CLASRP: variants seen among roughly 807,000 people sequenced by gnomAD.
CLASRP encodes CLK4 associating serine/arginine rich protein.
A neutral mutation model predicts 99.9 loss-of-function variants in CLASRP; 52 were observed. The observed-to-expected ratio is 0.52, with a 90% CI of 0.42 to 0.66. The LOEUF is 0.66. CLASRP is among the 30% of genes least tolerant of loss of function. The probability of loss-of-function intolerance (pLI) is 0.00; values close to 1 mark genes in which losing one functional copy is unlikely to be tolerated. For missense variants in CLASRP, 848 were observed against 999.2 expected, an observed-to-expected ratio of 0.85 and a Z score of 2.04; for synonymous variants, 379 against 373.0, an observed-to-expected ratio of 1.02 and a Z score of -0.18.
chr19:45,057,809 TAGAGA>T lies in CLASRP; in HGVS notation c.527_531del (p.Glu176GlyfsTer22). ...TACGAGGACAGCACGGTGGCCGAGGTAGAGAAGGCGGCAGAAAAGCCAGAGGAGGA... is the reference window on the plus strand; with the variant it reads ...TACGAGGACAGCACGGTGGCCGAGGTAGGCGGCAGAAAAGCCAGAGGAGGA... On this transcript the variant is annotated frameshift_variant, in exon 7 of 21. Transcript: ENST00000221455. LOFTEE classifies it high-confidence loss of function. 6.2e-7 allele frequency: 1 copy of T among 1,613,846 alleles called. No individual in the cohort carries two copies. The highest frequency in any genetic ancestry group is 8.5e-7 in the Non-Finnish European group (1 of 1,179,882).
chr19:45,068,565 A>G (rs549637268), intron 16 of CLASRP, 85 bp downstream of exon 16: 3 of 1,067,170 alleles, frequency 2.8e-6, no homozygotes, highest in African/African-American at 1.6e-5. Context: ...CCACTTTGGG[A>G]GGCCTGGCCC....
intron 11 of CLASRP, 99 bp downstream of exon 11, chr19:45,062,294 C>T (rs1377589044): frequency 6.4e-6 from 5 of 782,414 alleles, no homozygotes; most frequent in Non-Finnish European, 9.2e-6. Context: ...TGCTAGGCCA[C>T]CCCAAGATCA....
chr19:45,056,302 C>T lies in CLASRP; in HGVS notation c.380-148C>T, dbSNP rs141088932. The T allele has an allele frequency of 1.5e-3, 999 of 677,080 alleles. 6 individuals carry two copies. The African/African-American group carries it at 0.016, about 11-fold the overall frequency. The allele number at this position is 677,080 out of a possible 1,614,324, so 41.9% of individuals were successfully genotyped here. ...CTGCAGTTGCTTGTGTCCCACCAGACATAGTTTGATTATCTGGAAGTGGTG... is the reference window on the plus strand; with the variant it reads ...CTGCAGTTGCTTGTGTCCCACCAGATATAGTTTGATTATCTGGAAGTGGTG... On this transcript the variant is annotated intron_variant, in intron 5 of 20. Coordinates refer to ENST00000221455, the MANE Select transcript of CLASRP (RefSeq NM_007056.3).
intron 5 of CLASRP, among the ~76,000 whole-genome samples, chr19:45,056,040 C>T (rs1401920987): frequency 6.6e-6 from 1 of 152,082 alleles, no homozygotes; most frequent in Non-Finnish European, 1.5e-5. Flanking sequence ...TTAAAATGAG[C>T]CACAGAGAGG....
intron 2 of CLASRP, among the ~76,000 whole-genome samples, chr19:45,043,937 A>C (rs1276970966): frequency 2.6e-5 from 4 of 151,798 alleles, no homozygotes; most frequent in Non-Finnish European, 5.9e-5. Flanking sequence ...GCTGGAGTGC[A>C]GTGGCACGAT....
At chr19:45,068,875 C>T (rs1282933642) in intron 16 of CLASRP, among the ~76,000 whole-genome samples, 191 bp from the exon 17 acceptor site, 1 of 151,914 alleles carries the variant, frequency 6.6e-6, no homozygotes, top group African/African-American at 2.4e-5. Flanking sequence ...CCTGTAGTCC[C>T]AGCTACTCAG....
intron 2 of CLASRP, among the ~76,000 whole-genome samples, chr19:45,046,883 T>G (rs1345618326): frequency 6.6e-6 from 1 of 152,118 alleles, no homozygotes; most frequent in Non-Finnish European, 1.5e-5. Flanking sequence ...CAAAATTAGC[T>G]GGGCGTTGTG....
intron 2 of CLASRP, among the ~76,000 whole-genome samples, chr19:45,044,931 C>A (rs560026312): frequency 1.3e-5 from 2 of 152,224 alleles, no homozygotes; most frequent in Non-Finnish European, 2.9e-5. Context: ...AGCCCATTTC[C>A]TCTTCCACAT....
chr19:45,067,603 G>T lies in CLASRP; in HGVS notation c.1667+9G>T. On this transcript the variant is annotated intron_variant, in intron 14 of 20. Coordinates refer to ENST00000221455, the MANE Select transcript of CLASRP (RefSeq NM_007056.3). The surrounding 1 kb of genome is among the most constrained non-coding windows in gnomAD (Gnocchi z 4.9). ...GGCGAGAAGCTGAAAAAGTGAGCGGGGCGGGTCTGGAGGAAGAGGGCTGCC... is the reference window on the plus strand; with the variant it reads ...GGCGAGAAGCTGAAAAAGTGAGCGGTGCGGGTCTGGAGGAAGAGGGCTGCC... The T allele has an allele frequency of 1.9e-6, 3 of 1,585,760 alleles. No individual in the cohort carries two copies. The highest frequency in any genetic ancestry group is 2.2e-5 in the East Asian group (1 of 44,506).
chr19:45,070,483 A>G (rs1349889018), intron 19 of CLASRP, 54 bp from the exon 20 acceptor site: 1 of 1,558,486 alleles, frequency 6.4e-7, no homozygotes, highest in Non-Finnish European at 8.9e-7. Flanking sequence ...AGGTCAAGGA[A>G]GAGGCCCTGG....
At chr19:45,042,343 C>T (rs1470873283) in intron 2 of CLASRP, among the ~76,000 whole-genome samples, 1 of 151,996 alleles carries the variant, frequency 6.6e-6, no homozygotes, top group Non-Finnish European at 1.5e-5. Context: ...GGAGCCAGGA[C>T]TGGAGGCCAG....
intron 11 of CLASRP, among the ~76,000 whole-genome samples, chr19:45,063,047 A>T (rs1430248209): frequency 6.6e-6 from 1 of 152,172 alleles, no homozygotes; most frequent in Non-Finnish European, 1.5e-5. Context: ...TAGATGAGAT[A>T]AGGTGTTGAA....
At chr19:45,061,819 C>A (rs1159724747) in intron 10 of CLASRP, among the ~76,000 whole-genome samples, 1 of 151,720 alleles carries the variant, frequency 6.6e-6, no homozygotes, top group Non-Finnish European at 1.5e-5. Context: ...CATTAGTAAG[C>A]CCGGACCCAG....
intron 5 of CLASRP, among the ~76,000 whole-genome samples, chr19:45,054,993 A>G (rs924444303): frequency 2.0e-5 from 3 of 152,138 alleles, no homozygotes; most frequent in Admixed American, 6.5e-5. Context: ...AGAATCAGGG[A>G]CATGTGTTAT....
intron 5 of CLASRP, among the ~76,000 whole-genome samples, chr19:45,053,978 G>A (rs995305014): frequency 6.6e-6 from 1 of 152,206 alleles, no homozygotes; most frequent in East Asian, 1.9e-4. Context: ...CAGATTGTGA[G>A]CTCTAAAAAG....
chr19:45,069,273 C>T (rs1967177740), intron 18 of CLASRP, 25 bp downstream of exon 18: 1 of 1,611,332 alleles, frequency 6.2e-7, no homozygotes. Context: ...CTCCCTGTCC[C>T]ATGGCCACAC....
chr19:45,056,407 T>C, intron 5 of CLASRP, 43 bp from the exon 6 acceptor site: 1 of 1,574,250 alleles, frequency 6.4e-7, no homozygotes, highest in South Asian at 1.1e-5. Flanking sequence ...GAATTCCTAG[T>C]GTCCCCAACC....
rs1192807058 is a variant in CLASRP, at chr19:45,040,196, G to C, written c.-17G>C. The C allele has an allele frequency of 6.3e-7, 1 of 1,590,052 alleles. No individual in the cohort carries two copies. The highest frequency in any genetic ancestry group is 8.6e-7 in the Non-Finnish European group (1 of 1,167,730). ...CTTCATCCCTCAGGTTGAGGCCCCAGGCTTGGCCTCACCACAATGTGGCAC... is the reference window on the plus strand; with the variant it reads ...CTTCATCCCTCAGGTTGAGGCCCCACGCTTGGCCTCACCACAATGTGGCAC... On this transcript the variant is annotated 5_prime_UTR_variant, in exon 2 of 21. Transcript: ENST00000221455.
Position 45,067,280 on chromosome 19 carries a change from G to A in CLASRP, c.1410-57G>A. ...ACTGTGGATCCGGACCCAGGGTGGG[G>A]TGCGGTTGGGGTCCCTGGAGCCTCA... is the stretch of plus-strand genomic sequence containing the variant. On this transcript the variant is annotated intron_variant, in intron 13 of 20. Coordinates refer to ENST00000221455, the MANE Select transcript of CLASRP (RefSeq NM_007056.3). This position sits in a 1 kb window ranked among gnomAD's most constrained non-coding sequence, Gnocchi z 4.9. 3 of 1,447,276 alleles carry A rather than the reference G, an allele frequency of 2.1e-6. No homozygotes were observed. Among genetic ancestry groups the A allele is most frequent in the South Asian group, 1.4e-5 (1 of 70,012 alleles). 89.7% of individuals were successfully genotyped at this position (1,447,276 alleles called of 1,614,324 possible).
Sources: gnomAD v4.1 joint callset for allele counts (sites outside exome capture counted in the v4.1 genomes callset) on GRCh38, gnomAD v4.1.1 for gene constraint, Gnocchi (gnomAD v3.1) non-coding constraint, MANE v1.5 for transcripts, NCBI Gene and HGNC (gene_info 2026-07-23, HGNC 2026-07-21) for gene names.